USP22: variants seen among roughly 807,000 people sequenced by gnomAD.
USP22 encodes the protein ubiquitin specific peptidase 22.
A neutral mutation model predicts 68.1 loss-of-function variants in USP22; 22 were observed. The observed-to-expected ratio is 0.32, with a 90% CI of 0.23 to 0.46. USP22 has a LOEUF of 0.46. USP22 is among the 20% of genes least tolerant of loss of function. USP22 has a pLI of 1.00. For synonymous variants in USP22, 279 were observed against 274.2 expected (o/e 1.02, Z -0.17); for missense variants, 433 against 695.8 (o/e 0.62, Z 4.25).
At chr17:21,013,935 A>G (rs529975713) in intron 6 of USP22, among the ~76,000 whole-genome samples, 20 of 152,274 alleles carry the variant, frequency 1.3e-4, no homozygotes, top group South Asian at 2.1e-4. Flanking sequence ...TTAGCTGGGC[A>G]TGGTGGCGGG....
At chr17:21,005,814 A>C (rs1217851558) in intron 10 of USP22, among the ~76,000 whole-genome samples, 2 of 152,252 alleles carry the variant, frequency 1.3e-5, no homozygotes, top group Admixed American at 6.5e-5. Flanking sequence ...AGAACCTGAG[A>C]CTGGGACCTC....
At chr17:21,027,576 C>G (rs909715171) in intron 2 of USP22, among the ~76,000 whole-genome samples, 2 of 152,156 alleles carry the variant, frequency 1.3e-5, no homozygotes, top group African/African-American at 2.4e-5. Context: ...TAGCTTGGAC[C>G]GCTTGAAAAT....
chr17:21,002,021 TGCCAGGCAGCGGTA>T lies in USP22; in HGVS notation c.*996_*1009del, dbSNP rs1279025921. 1 of 152,282 alleles carries T rather than the reference TGCCAGGCAGCGGTA, an allele frequency of 6.6e-6. No homozygotes were observed. The highest frequency in any genetic ancestry group is 2.4e-5 in the African/African-American group (1 of 41,462). The allele number at this position is 152,282 out of a possible 1,614,324, so 9.4% of individuals were successfully genotyped here. On this transcript the variant is annotated 3_prime_UTR_variant, in exon 13 of 13. Transcript: ENST00000261497. Reference sequence around the variant, plus strand: ...CAGCTTCGCGACCAACACCCTTGGCTGCCAGGCAGCGGTAGCCAGGCAATGGGATAGAAGGCAAA... The same window carrying T: ...CAGCTTCGCGACCAACACCCTTGGCTGCCAGGCAATGGGATAGAAGGCAAA...
chr17:21,022,499 T>A (rs966845742), intron 2 of USP22, among the ~76,000 whole-genome samples: 6 of 152,120 alleles, frequency 3.9e-5, no homozygotes, highest in Admixed American at 3.9e-4. Context: ...CATTCAACAA[T>A]TTATAAACAA....
In USP22 at chr17:21,004,367, A is replaced by G; in HGVS notation, c.1386-16T>C. The G allele has an allele frequency of 1.2e-6, 2 of 1,612,480 alleles. No homozygotes were observed. The highest frequency in any genetic ancestry group is 1.7e-6 in the Non-Finnish European group (2 of 1,178,662). The stretch of plus-strand genomic sequence containing the variant: ...CAGGGAATACCTAGTGCAGGAGCAA[A>G]GGAGAGGGAGGGCGCAGGTGACTTG... On this transcript the variant is annotated splice_polypyrimidine_tract_variant and intron_variant, in intron 11 of 12. Transcript: ENST00000261497.
chr17:21,009,837 C>T (rs922168830), intron 8 of USP22, among the ~76,000 whole-genome samples: 5 of 152,078 alleles, frequency 3.3e-5, no homozygotes, highest in Non-Finnish European at 5.9e-5. Context: ...CACCTGTAAT[C>T]CCAGCCACTC....
In USP22 at chr17:21,001,661, A is replaced by C. The variant is rs182025734; in HGVS notation, c.*1370T>G. The C allele has an allele frequency of 6.6e-6, 1 of 152,316 alleles. No homozygotes were observed. The highest frequency in any genetic ancestry group is 1.5e-5 in the Non-Finnish European group (1 of 68,048). The allele number at this position is 152,316 out of a possible 1,614,324, so 9.4% of individuals were successfully genotyped here. A position where few individuals can be genotyped will look rare whatever the true frequency, so the allele number is the denominator to read the frequency against. ...AGATGATCCTGTTCCTGCAGGACTG[A>C]AGAAGCCTCAGTTCAGATGCTGCTG... On this transcript the variant is annotated 3_prime_UTR_variant, in exon 13 of 13. Transcript: ENST00000261497.
At chr17:21,031,498 C>T (rs1972290809) in intron 1 of USP22, among the ~76,000 whole-genome samples, 1 of 151,924 alleles carries the variant, frequency 6.6e-6, no homozygotes, top group African/African-American at 2.4e-5. Flanking sequence ...TAGTCTCTCT[C>T]TACTACACAA....
At chr17:21,005,659 C>G (rs1913755060) in intron 10 of USP22, among the ~76,000 whole-genome samples, 1 of 152,144 alleles carries the variant, frequency 6.6e-6, no homozygotes, top group South Asian at 2.1e-4. Context: ...ATCTGTGTGC[C>G]ACAGGGGTGG....
At chr17:21,003,349 GACAGCCCCACCCTTGTGCAGAGCCC>G (rs1322293696) in intron 12 of USP22, among the ~76,000 whole-genome samples, 2 of 152,180 alleles carry the variant, frequency 1.3e-5, no homozygotes, top group East Asian at 3.9e-4. Context: ...CCCCACTTGT[GACAGCCCCACCCTTGTGCAGAGCCC>G]ACTGTTTTCA....
At chr17:21,008,037 C>T (rs778658877) in intron 8 of USP22, 41 bp from the exon 9 acceptor site, 4 of 1,590,472 alleles carry the variant, frequency 2.5e-6, no homozygotes, top group Middle Eastern at 1.9e-4. Context: ...AAGGGAGATG[C>T]AAGAGACAGA....
chr17:21,031,200 C>G (rs890227097), intron 1 of USP22, among the ~76,000 whole-genome samples: 1 of 152,160 alleles, frequency 6.6e-6, no homozygotes, highest in African/African-American at 2.4e-5. Flanking sequence ...TAGGTTTATA[C>G]GCAACCAAAG....
At chr17:21,017,863 T>TG (rs1972107802) in intron 5 of USP22, 79 bp downstream of exon 5, 12 of 1,538,712 alleles carry the variant, frequency 7.8e-6, no homozygotes, top group Non-Finnish European at 1.1e-5. Flanking sequence ...TCCTTTATCA[T>TG]GGTCCACCTT....
chr17:21,003,311 T>C (rs1913656793), intron 12 of USP22, among the ~76,000 whole-genome samples: 1 of 152,164 alleles, frequency 6.6e-6, no homozygotes, highest in Non-Finnish European at 1.5e-5. Flanking sequence ...GGTCACCCAT[T>C]GCCTCACCCA....
chr17:21,029,533 A>G (rs1461879447), intron 1 of USP22, among the ~76,000 whole-genome samples: 1 of 152,258 alleles, frequency 6.6e-6, no homozygotes, highest in East Asian at 1.9e-4. Context: ...TATGCTTATC[A>G]TAGTAGTAAC....
In USP22 at chr17:21,006,827, G is replaced by A. The variant is rs1041798184; in HGVS notation, c.1322+69C>T. ...CAACAGTCATCTTAATAGGAGCTCC[G>A]AGCTGGATTCCTGTCCTGATAGGAT... On this transcript the variant is annotated intron_variant, in intron 10 of 12. Transcript: ENST00000261497. The A allele has an allele frequency of 1.5e-4, 194 of 1,316,748 alleles. No homozygotes were observed. In the African/African-American group the frequency reaches 2.2e-3, roughly 15 times the overall value. 81.6% of individuals were successfully genotyped at this position (1,316,748 alleles called of 1,614,324 possible).
At chr17:21,003,148 A>C in intron 12 of USP22, 75 bp from the exon 13 acceptor site, 1 of 1,560,960 alleles carries the variant, frequency 6.4e-7, no homozygotes, top group Non-Finnish European at 8.8e-7. Context: ...ACCCTACACA[A>C]AAGCCTACGT....
chr17:21,010,385 T>G (rs1335879781), intron 8 of USP22, among the ~76,000 whole-genome samples: 1 of 152,182 alleles, frequency 6.6e-6, no homozygotes, highest in Non-Finnish European at 1.5e-5. Context: ...AAATACATTT[T>G]TTTTTAAAAA....
rs1913801794 is a variant in USP22, at chr17:21,006,974, G to A, written c.1244C>T (p.Ser415Leu). Reference sequence around the variant, plus strand: ...GGTGATCTTCCGCCGCAGCTTGGCTGAGTGTTCAAATCGCTGCAGAAATAG... The same window carrying A: ...GGTGATCTTCCGCCGCAGCTTGGCTAAGTGTTCAAATCGCTGCAGAAATAG... ...ACFHLKRFEH[S>L]AKLRRKITTY... Residue 415 changes from serine to leucine, a missense_variant, in exon 10 of 13, where the codon TCA (serine) becomes TTA (leucine). Around this residue, in one of 4 missense-constraint regions of USP22, gnomAD observed 178 missense variants for 351.5 expected, o/e 0.51. Transcript: ENST00000261497. The A allele has an allele frequency of 6.2e-7, 1 of 1,604,396 alleles. No individual in the cohort carries two copies. Among genetic ancestry groups the A allele is most frequent in the Non-Finnish European group, 8.5e-7 (1 of 1,174,758 alleles).
Sources: allele counts gnomAD v4.1 joint callset (sites outside exome capture counted in the v4.1 genomes callset), GRCh38; gene constraint gnomAD v4.1.1; regional missense constraint gnomAD v4.1.1; transcripts MANE v1.5; gene names NCBI Gene and HGNC (gene_info 2026-07-23, HGNC 2026-07-21).